Variants in COL28A1 observed in about 807,000 individuals in gnomAD.
COL28A1 encodes collagen type XXVIII alpha 1 chain.
Under a neutral mutation model 150.2 loss-of-function variants are expected in COL28A1, and 161 were observed. The ratio of observed to expected loss-of-function variants is 1.07; its 90% CI spans 0.94 to 1.22. COL28A1 has a LOEUF of 1.22. Among genes scored for constraint, COL28A1 ranks in the 50% most tolerant of loss-of-function variants. The pLI, the probability that COL28A1 is intolerant of heterozygous loss-of-function variation, is 0.00. For synonymous variants in COL28A1, 552 were observed against 469.7 expected, an observed-to-expected ratio of 1.18 and a Z score of -2.26; for missense variants, 1,617 against 1,388.3, an observed-to-expected ratio of 1.16 and a Z score of -2.62.
chr7:7,504,044 G>C (rs768347306), intron 11 of COL28A1, among the ~76,000 whole-genome samples: 4 of 152,126 alleles, frequency 2.6e-5, no homozygotes, highest in Non-Finnish European at 4.4e-5. Context: ...TTATGATTAT[G>C]CTGTAAAAGT....
intron 17 of COL28A1, among the ~76,000 whole-genome samples, chr7:7,452,861 T>C (rs1786820636): frequency 6.6e-6 from 1 of 152,052 alleles, no homozygotes; most frequent in South Asian, 2.1e-4. Context: ...CTCTAGGGAG[T>C]GTGTTCTAAG....
At chr7:7,446,758 G>A (rs1235164220) in intron 18 of COL28A1, among the ~76,000 whole-genome samples, 1 of 152,152 alleles carries the variant, frequency 6.6e-6, no homozygotes, top group Non-Finnish European at 1.5e-5. Context: ...AAGTTTCCAG[G>A]TCATAATGCA....
In COL28A1 at chr7:7,373,221, T is replaced by TA. The variant is rs753518736; in HGVS notation, c.2684dup (p.Val898SerfsTer7). On this transcript the variant is annotated frameshift_variant, in exon 32 of 35. Transcript: ENST00000399429. LOFTEE classifies it high-confidence loss of function. The surrounding 1 kb of genome is among the most constrained non-coding windows in gnomAD (Gnocchi z 4.1). ...CAGTGATGACCAAGGCCACTTTTTT[T>TA]ACACCTGGCCTTGCATCTTCAAACA... 31 of 1,614,226 alleles carry TA rather than the reference T, an allele frequency of 1.9e-5. No individual in the cohort carries two copies. In the East Asian group the frequency reaches 5.3e-4, roughly 28 times the overall value.
At chr7:7,417,379 G>A (rs1237003289) in intron 27 of COL28A1, among the ~76,000 whole-genome samples, 2 of 150,978 alleles carry the variant, frequency 1.3e-5, no homozygotes, top group South Asian at 2.1e-4. Flanking sequence ...TTCGGATTTC[G>A]TTCCTCTGGG....
At chr7:7,441,000 C>T (rs547041263) in intron 20 of COL28A1, 139 bp from the exon 21 acceptor site, 10 of 474,882 alleles carry the variant, frequency 2.1e-5, no homozygotes, top group Non-Finnish European at 2.3e-5. Context: ...CTCAATTGCG[C>T]AGGATTCGTC....
rs886505361 is a variant in COL28A1, at chr7:7,471,455, A to G, written c.1302+3146T>C. Among the ~76,000 whole-genome samples, 4 of 152,242 alleles carry G rather than the reference A, an allele frequency of 2.6e-5. No homozygotes were observed. The East Asian group carries it at 7.7e-4, about 29-fold the overall frequency. ...AGACCAATATCCCTCATGAACATAT[A>G]TGCTAAAATCCTTAACAAAATACTA... On this transcript the variant is annotated intron_variant, in intron 15 of 34. Transcript: ENST00000399429.
intron 27 of COL28A1, among the ~76,000 whole-genome samples, chr7:7,401,829 T>C (rs1180556424): frequency 1.3e-5 from 2 of 152,348 alleles, no homozygotes; most frequent in East Asian, 3.9e-4. Context: ...CAAGAACTTC[T>C]TATATCACAA....
intron 27 of COL28A1, among the ~76,000 whole-genome samples, chr7:7,389,778 T>C (rs1782423753): frequency 6.6e-6 from 1 of 152,226 alleles, no homozygotes; most frequent in Non-Finnish European, 1.5e-5. Context: ...GGGAGTTCAC[T>C]CATGATTTGG....
intron 8 of COL28A1, among the ~76,000 whole-genome samples, chr7:7,512,933 A>G (rs1295301221): frequency 6.6e-6 from 1 of 152,228 alleles, no homozygotes; most frequent in Non-Finnish European, 1.5e-5. Flanking sequence ...ATTACATTCA[A>G]ATGTAAATCA....
intron 15 of COL28A1, among the ~76,000 whole-genome samples, chr7:7,462,596 C>A (rs1787719821): frequency 6.6e-6 from 1 of 152,200 alleles, no homozygotes; most frequent in Non-Finnish European, 1.5e-5. Flanking sequence ...CGGTGGCTCA[C>A]ACCTGTAATC....
intron 31 of COL28A1, among the ~76,000 whole-genome samples, chr7:7,374,038 A>AATATATAT (rs60964603): frequency 6.2e-5 from 7 of 113,622 alleles, no homozygotes; most frequent in East Asian, 2.5e-4. Context: ...AAAAAAAAAA[A>AATATATAT]ATATATATAT....
chr7:7,403,934 G>A (rs1783357776), intron 27 of COL28A1, among the ~76,000 whole-genome samples: 1 of 152,104 alleles, frequency 6.6e-6, no homozygotes, highest in Non-Finnish European at 1.5e-5. Context: ...TTCCTAAGAA[G>A]TTAAATGTAT....
intron 32 of COL28A1, 34 bp from the exon 33 acceptor site, chr7:7,370,916 G>A: frequency 7.0e-7 from 1 of 1,436,826 alleles, no homozygotes; most frequent in Non-Finnish European, 9.7e-7. Context: ...AGAGATAGTA[G>A]AAGCAATGAA....
At chr7:7,379,226 G>A (rs1054208040) in intron 30 of COL28A1, among the ~76,000 whole-genome samples, 11 of 152,160 alleles carry the variant, frequency 7.2e-5, no homozygotes, top group African/African-American at 2.7e-4. Context: ...AACATGTACT[G>A]ATGTACAGGA....
chr7:7,516,004 G>A (rs1302096298), intron 7 of COL28A1, among the ~76,000 whole-genome samples, 164 bp from the exon 8 acceptor site: 1 of 152,216 alleles, frequency 6.6e-6, no homozygotes, highest in African/African-American at 2.4e-5. Flanking sequence ...TGTGCTTGGA[G>A]AAATATACAT....
At chr7:7,417,686 A>G (rs1784179803) in intron 27 of COL28A1, 173 bp downstream of exon 27, 3 of 661,708 alleles carry the variant, frequency 4.5e-6, no homozygotes, top group South Asian at 1.7e-5. Context: ...GAAGTATTGT[A>G]CTCATACCAT....
At position 7,454,655 on chromosome 7, in the gene COL28A1, T is replaced by C. The variant is rs2348334; in HGVS notation, c.1372-1147A>G. On this transcript the variant is annotated intron_variant, in intron 16 of 34. Coordinates refer to ENST00000399429, the MANE Select transcript of COL28A1 (RefSeq NM_001037763.3). ...TAGGAGGTCCAGAATTCACAGGCCA[T>C]CTGAACAGACTTGTCTTCGAACCTC... is the stretch of plus-strand genomic sequence containing the variant. Among the ~76,000 whole-genome samples the C allele has an allele frequency of 3.4e-3, 521 of 152,264 alleles. 3 individuals are homozygous for C. The highest frequency in any genetic ancestry group is 0.012 in the African/African-American group (488 of 41,554).
At chr7:7,397,145 T>A (rs1782882192) in intron 27 of COL28A1, among the ~76,000 whole-genome samples, 1 of 152,186 alleles carries the variant, frequency 6.6e-6, no homozygotes, top group Non-Finnish European at 1.5e-5. Flanking sequence ...TGGGCTACAG[T>A]CAAGGTGTCA....
intron 32 of COL28A1, among the ~76,000 whole-genome samples, chr7:7,372,200 C>T (rs1001815482): frequency 6.6e-6 from 1 of 151,860 alleles, no homozygotes; most frequent in Admixed American, 6.5e-5. Context: ...GAGATCGAAA[C>T]CATCCTGGCT....
Sources: allele counts gnomAD v4.1 joint callset (sites outside exome capture counted in the v4.1 genomes callset), GRCh38; gene constraint gnomAD v4.1.1; non-coding constraint Gnocchi (gnomAD v3.1); transcripts MANE v1.5; gene names NCBI Gene and HGNC (gene_info 2026-07-23, HGNC 2026-07-21).